CRISPLD2: variants seen among roughly 807,000 people sequenced by gnomAD.
The protein encoded by CRISPLD2 is cysteine rich secretory protein LCCL domain containing 2, also known as cysteine-rich secretory protein LCCL domain-containing 2.
A neutral mutation model predicts 71.1 loss-of-function variants in CRISPLD2; 47 were observed. The ratio of observed to expected loss-of-function variants is 0.66; its 90% CI spans 0.52 to 0.84. The LOEUF is 0.84. Among genes scored for constraint, CRISPLD2 ranks in the 40% least tolerant of loss-of-function variants. The pLI is 0.00. For missense variants in CRISPLD2, 830 were observed against 651.1 expected (o/e 1.27, Z -2.99); for synonymous variants, 317 against 250.1 (o/e 1.27, Z -2.52).
intron 1 of CRISPLD2, among the ~76,000 whole-genome samples, chr16:84,821,196 A>G (rs1324242410): frequency 6.6e-6 from 1 of 152,038 alleles, no homozygotes; most frequent in Non-Finnish European, 1.5e-5. Flanking sequence ...CCAGGGTCTG[A>G]TGTCTGACAG....
chr16:84,863,550 C>T (rs1051069723), intron 6 of CRISPLD2, among the ~76,000 whole-genome samples: 1 of 152,232 alleles, frequency 6.6e-6, no homozygotes. Flanking sequence ...TGGTTTGACA[C>T]CCAGCCCAGG....
intron 2 of CRISPLD2, among the ~76,000 whole-genome samples, chr16:84,842,563 G>A (rs976147286): frequency 1.3e-5 from 2 of 151,340 alleles, no homozygotes; most frequent in Non-Finnish European, 3.0e-5. Flanking sequence ...TGGTAGAGGC[G>A]GGGTTTCACC....
intron 2 of CRISPLD2, among the ~76,000 whole-genome samples, chr16:84,840,177 A>C (rs1024442529): frequency 1.3e-5 from 2 of 152,182 alleles, no homozygotes; most frequent in South Asian, 2.1e-4. Flanking sequence ...AGCTGTGGTC[A>C]CGTTCCTTTG....
intron 14 of CRISPLD2, among the ~76,000 whole-genome samples, chr16:84,896,582 T>G (rs984366187): frequency 1.3e-5 from 2 of 152,150 alleles, no homozygotes; most frequent in African/African-American, 4.8e-5. Flanking sequence ...TGTTAGGTGA[T>G]TTTGCTCAGC....
intron 1 of CRISPLD2, among the ~76,000 whole-genome samples, chr16:84,824,214 T>C (rs1387997654): frequency 6.6e-6 from 1 of 152,142 alleles, no homozygotes; most frequent in Non-Finnish European, 1.5e-5. Context: ...TCTTGGAGAA[T>C]GGCAGGAAGT....
intron 2 of CRISPLD2, among the ~76,000 whole-genome samples, chr16:84,844,106 C>T (rs945411864): frequency 1.5e-4 from 23 of 152,228 alleles, no homozygotes; most frequent in South Asian, 2.1e-4. Flanking sequence ...GGAAGTGCAG[C>T]GTCAGCTGCC....
At chr16:84,904,571 G>A (rs557735410) in intron 14 of CRISPLD2, among the ~76,000 whole-genome samples, 3 of 150,004 alleles carry the variant, frequency 2.0e-5, no homozygotes, top group South Asian at 4.2e-4. Context: ...GCAACAGAGC[G>A]AGACTCGGTC....
intron 14 of CRISPLD2, among the ~76,000 whole-genome samples, chr16:84,903,224 C>G (rs1433020722): frequency 6.6e-6 from 1 of 152,162 alleles, no homozygotes; most frequent in African/African-American, 2.4e-5. Flanking sequence ...GGTCTCCTCT[C>G]CAGCCTGGCC....
intron 4 of CRISPLD2, 75 bp downstream of exon 4, chr16:84,849,592 G>T: frequency 6.6e-7 from 1 of 1,505,482 alleles, no homozygotes. Context: ...CTGGGGGATT[G>T]TCAAATCTGT....
intron 14 of CRISPLD2, among the ~76,000 whole-genome samples, chr16:84,890,093 T>A (rs2143347817): frequency 6.6e-6 from 1 of 151,788 alleles, no homozygotes; most frequent in South Asian, 2.1e-4. Context: ...GCGTGGTGGC[T>A]CACGCCTGTA....
intron 1 of CRISPLD2, among the ~76,000 whole-genome samples, chr16:84,821,413 C>T (rs138092778): frequency 2.0e-5 from 3 of 152,322 alleles, no homozygotes; most frequent in African/African-American, 7.2e-5. Flanking sequence ...CTGTGCCACG[C>T]AGTTTACCTG....
At chr16:84,855,036 C>A (rs905955995) in intron 6 of CRISPLD2, among the ~76,000 whole-genome samples, 1 of 152,186 alleles carries the variant, frequency 6.6e-6, no homozygotes, top group East Asian at 1.9e-4. Context: ...CTGGAGAGCC[C>A]CACTGCCCCG....
intron 9 of CRISPLD2, 134 bp from the exon 10 acceptor site, chr16:84,872,858 G>A: frequency 8.8e-7 from 1 of 1,132,144 alleles, no homozygotes; most frequent in Non-Finnish European, 1.3e-6. Context: ...AGAGGCGAGA[G>A]GCAGGAGCAG....
At chr16:84,825,896 G>T (rs1916340048) in intron 1 of CRISPLD2, among the ~76,000 whole-genome samples, 1 of 152,116 alleles carries the variant, frequency 6.6e-6, no homozygotes, top group Non-Finnish European at 1.5e-5. Context: ...GGCTGAGGCT[G>T]CAGTGAGCAG....
chr16:84,846,565 G>A (rs1916920240), intron 3 of CRISPLD2, among the ~76,000 whole-genome samples: 1 of 151,986 alleles, frequency 6.6e-6, no homozygotes, highest in African/African-American at 2.4e-5. Context: ...GTAGTTTGGG[G>A]TTTCCATTCC....
intron 1 of CRISPLD2, among the ~76,000 whole-genome samples, chr16:84,831,792 A>G (rs1261759770): frequency 6.6e-6 from 1 of 152,142 alleles, no homozygotes; most frequent in Non-Finnish European, 1.5e-5. Context: ...GGGAGTGCAG[A>G]GGCACGATCT....
intron 14 of CRISPLD2, among the ~76,000 whole-genome samples, chr16:84,893,793 C>G (rs2071682866): frequency 6.6e-6 from 1 of 152,226 alleles, no homozygotes; most frequent in African/African-American, 2.4e-5. Flanking sequence ...GCCACCATCT[C>G]TGCACAAAGC....
intron 10 of CRISPLD2, 104 bp downstream of exon 10, chr16:84,873,226 C>T (rs1430026624): frequency 2.2e-6 from 3 of 1,367,044 alleles, no homozygotes; most frequent in South Asian, 2.8e-5. Flanking sequence ...GTGGCTCACA[C>T]CTGCACTTTG....
intron 13 of CRISPLD2, among the ~76,000 whole-genome samples, chr16:84,887,933 A>G (rs905200299): frequency 6.6e-5 from 10 of 152,250 alleles, no homozygotes; most frequent in Admixed American, 2.6e-4. Flanking sequence ...TAAGGGACTT[A>G]ATAAATCAGA....
Sources: gnomAD v4.1 joint callset for allele counts (sites outside exome capture counted in the v4.1 genomes callset) on GRCh38, gnomAD v4.1.1 for gene constraint, MANE v1.5 for transcripts, NCBI Gene and HGNC (gene_info 2026-07-23, HGNC 2026-07-21) for gene names.